MAGI1: variants seen among roughly 807,000 people sequenced by gnomAD.
MAGI1 encodes membrane-associated guanylate kinase, WW and PDZ domain-containing protein 1.
Under a neutral mutation model 139.9 loss-of-function variants are expected in MAGI1, and 58 were observed. That is an observed-to-expected ratio of 0.41 (90% CI 0.34 to 0.52). The LOEUF is 0.52. Among genes scored for constraint, MAGI1 ranks in the 20% least tolerant of loss-of-function variants. The probability of loss-of-function intolerance (pLI) is 0.12; values close to 1 mark genes in which losing one functional copy is unlikely to be tolerated. For missense variants in MAGI1, 1,874 were observed against 1,901.6 expected, an observed-to-expected ratio of 0.99 and a Z score of 0.27; for synonymous variants, 812 against 737.9, an observed-to-expected ratio of 1.10 and a Z score of -1.63.
intron 1 of MAGI1, among the ~76,000 whole-genome samples, chr3:65,789,393 G>A (rs1397992564): frequency 6.6e-6 from 1 of 152,094 alleles, no homozygotes; most frequent in African/African-American, 2.4e-5. Flanking sequence ...TACCGGGGTG[G>A]CCAAGAGAAT....
chr3:65,926,973 C>A (rs1325355738), intron 1 of MAGI1, among the ~76,000 whole-genome samples: 7 of 152,158 alleles, frequency 4.6e-5, no homozygotes, highest in Admixed American at 4.6e-4. Context: ...CCAGCCTGGG[C>A]AACAAGAGTG....
At chr3:65,906,730 A>T (rs1228275077) in intron 1 of MAGI1, among the ~76,000 whole-genome samples, 1 of 152,172 alleles carries the variant, frequency 6.6e-6, no homozygotes, top group East Asian at 1.9e-4. Context: ...TACTAAAAAT[A>T]CAAAAATTAA....
intron 1 of MAGI1, among the ~76,000 whole-genome samples, chr3:65,700,798 C>T (rs1328981576): frequency 6.6e-6 from 1 of 152,164 alleles, no homozygotes; most frequent in Non-Finnish European, 1.5e-5. Flanking sequence ...CACCAAACAT[C>T]TTTACCTGAA....
At chr3:65,841,991 A>G (rs867351608) in intron 1 of MAGI1, among the ~76,000 whole-genome samples, 1 of 152,222 alleles carries the variant, frequency 6.6e-6, no homozygotes, top group Non-Finnish European at 1.5e-5. Flanking sequence ...CAATCTTACT[A>G]ACAAAATATC....
chr3:65,904,748 G>A (rs1413379457), intron 1 of MAGI1, among the ~76,000 whole-genome samples: 1 of 152,188 alleles, frequency 6.6e-6, no homozygotes, highest in African/African-American at 2.4e-5. Context: ...ATTGTTTACA[G>A]CCTGCCTCCC....
At chr3:65,617,235 C>T (rs988994804) in intron 2 of MAGI1, among the ~76,000 whole-genome samples, 1 of 152,146 alleles carries the variant, frequency 6.6e-6, no homozygotes, top group African/African-American at 2.4e-5. Context: ...AGCTGCAGAA[C>T]AAAACTGACT....
chr3:65,583,174 C>T (rs868294601), intron 2 of MAGI1, among the ~76,000 whole-genome samples: 1 of 152,174 alleles, frequency 6.6e-6, no homozygotes, highest in South Asian at 2.1e-4. Flanking sequence ...CCAACAGTCA[C>T]ATGTGGCTAG....
intron 1 of MAGI1, among the ~76,000 whole-genome samples, chr3:65,883,626 A>T (rs1474410577): frequency 2.0e-5 from 3 of 152,230 alleles, no homozygotes; most frequent in Non-Finnish European, 4.4e-5. Flanking sequence ...ATATTCTATG[A>T]AAAAGAAGTG....
chr3:65,855,426 G>A (rs1369864549), intron 1 of MAGI1, among the ~76,000 whole-genome samples: 1 of 149,952 alleles, frequency 6.7e-6, no homozygotes, highest in Admixed American at 6.7e-5. Flanking sequence ...ATAAAATAAA[G>A]TAACTTTAAA....
chr3:65,684,868 ATTTTTTTTTTTTTT>A (rs761948943), intron 1 of MAGI1, among the ~76,000 whole-genome samples: 15 of 98,176 alleles, frequency 1.5e-4, no homozygotes, highest in African/African-American at 4.5e-4. Flanking sequence ...CACCTGGCTA[ATTTTTTTTTTTTTT>A]TTTTTTTTTT....
chr3:65,382,101 T>C (rs1943097530), intron 15 of MAGI1, 32 bp from the exon 16 acceptor site: 1 of 1,513,760 alleles, frequency 6.6e-7, no homozygotes, highest in African/African-American at 1.4e-5. Context: ...GATGAAACAT[T>C]GCTCTCCTAT....
chr3:65,405,562 T>A (rs1322054085), intron 12 of MAGI1, among the ~76,000 whole-genome samples: 1 of 152,002 alleles, frequency 6.6e-6, no homozygotes, highest in African/African-American at 2.4e-5. Flanking sequence ...CACACATACA[T>A]ATCCACAGAT....
At chr3:65,944,408 C>T (rs1051036822) in intron 1 of MAGI1, among the ~76,000 whole-genome samples, 1 of 151,936 alleles carries the variant, frequency 6.6e-6, no homozygotes, top group Non-Finnish European at 1.5e-5. Context: ...GTCCTAGCTG[C>T]TCGAGAGGCT....
intron 2 of MAGI1, among the ~76,000 whole-genome samples, chr3:65,605,080 C>T (rs958996568): frequency 1.3e-5 from 2 of 152,208 alleles, no homozygotes; most frequent in Non-Finnish European, 2.9e-5. Flanking sequence ...TACGACAGCT[C>T]TAACAAAGAT....
intron 1 of MAGI1, among the ~76,000 whole-genome samples, chr3:65,958,434 C>T (rs2064242947): frequency 6.6e-6 from 1 of 152,200 alleles, no homozygotes; most frequent in Non-Finnish European, 1.5e-5. Flanking sequence ...CAAGAAGAGG[C>T]TTACCTGCAC....
intron 1 of MAGI1, among the ~76,000 whole-genome samples, chr3:65,881,759 G>C (rs1238807365): frequency 6.6e-6 from 1 of 152,192 alleles, no homozygotes; most frequent in African/African-American, 2.4e-5. Context: ...GTCTATGGGA[G>C]GGGGATTCAG....
chr3:65,960,637 T>C (rs1041596478), intron 1 of MAGI1, among the ~76,000 whole-genome samples: 4 of 152,200 alleles, frequency 2.6e-5, no homozygotes, highest in Admixed American at 2.6e-4. Context: ...TTTCCTATAA[T>C]CAGAGAGGAG....
intron 11 of MAGI1, 32 bp downstream of exon 11, chr3:65,430,667 C>G (rs745560140): frequency 1.2e-6 from 2 of 1,604,670 alleles, no homozygotes; most frequent in Non-Finnish European, 1.7e-6. Flanking sequence ...AGTCTCACCA[C>G]ACAGAACACA....
Position 65,772,522 on chromosome 3 carries a change from G to A in MAGI1, c.314-150434C>T, listed in dbSNP as rs560551698. ...GAGTTCTCTGCAGAGAATGATCATGGTGCTACAAGGGAGGGACACCTCTTT... is the reference window on the plus strand; with the variant it reads ...GAGTTCTCTGCAGAGAATGATCATGATGCTACAAGGGAGGGACACCTCTTT... On this transcript the variant is annotated intron_variant, in intron 1 of 22. Coordinates refer to ENST00000402939, the MANE Select transcript of MAGI1 (RefSeq NM_001033057.2). Among the ~76,000 whole-genome samples the A allele has an allele frequency of 3.2e-4, 48 of 152,316 alleles. 1 individual carries two copies. The South Asian group carries it at 9.1e-3, about 29-fold the overall frequency.
Sources: allele counts gnomAD v4.1 joint callset (sites outside exome capture counted in the v4.1 genomes callset), GRCh38; gene constraint gnomAD v4.1.1; transcripts MANE v1.5; gene names NCBI Gene and HGNC (gene_info 2026-07-23, HGNC 2026-07-21).